SLC44A5: variants seen among roughly 807,000 people sequenced by gnomAD.
SLC44A5 encodes choline transporter-like protein 5.
SLC44A5 carries 57 observed loss-of-function variants against 101.8 expected under a neutral mutation model. The observed-to-expected ratio is 0.56, with a 90% CI of 0.45 to 0.70. The LOEUF is 0.70. Among genes scored for constraint, SLC44A5 ranks in the 30% least tolerant of loss-of-function variants. The probability of loss-of-function intolerance (pLI) is 0.00; values close to 1 mark genes in which losing one functional copy is unlikely to be tolerated. For missense variants in SLC44A5, 737 were observed against 853.1 expected, an observed-to-expected ratio of 0.86 and a Z score of 1.70; for synonymous variants, 281 against 290.9, an observed-to-expected ratio of 0.97 and a Z score of 0.35.
At chr1:75,720,581 A>G in the SLC44A5 span, among the ~76,000 whole-genome samples, 4 of 151,660 alleles carry the variant, frequency 2.6e-5, no homozygotes, top group African/African-American at 9.8e-5. Context: ...TAACTTTACC[A>G]TAGAAAGAAC....
the SLC44A5 span, among the ~76,000 whole-genome samples, chr1:75,716,561 G>A: frequency 2.6e-5 from 4 of 152,268 alleles, no homozygotes; most frequent in East Asian, 3.9e-4. Flanking sequence ...GCAATGTGGC[G>A]ATTTCTCAAA....
chr1:75,307,978 A>T (rs1328200629), intron 4 of SLC44A5, among the ~76,000 whole-genome samples: 1 of 152,226 alleles, frequency 6.6e-6, no homozygotes, highest in Admixed American at 6.5e-5. Flanking sequence ...TATTAATACA[A>T]GTTTTTTAAG....
intron 3 of SLC44A5, among the ~76,000 whole-genome samples, chr1:75,349,047 A>G (rs1439958346): frequency 6.6e-6 from 1 of 152,202 alleles, no homozygotes; most frequent in Non-Finnish European, 1.5e-5. Flanking sequence ...AGAGATGAAA[A>G]ATATTAAAAA....
the SLC44A5 span, among the ~76,000 whole-genome samples, chr1:75,694,641 A>T: frequency 2.6e-5 from 4 of 152,174 alleles, no homozygotes; most frequent in Non-Finnish European, 5.9e-5. Flanking sequence ...AAAATAAATT[A>T]GATGTTACAT....
the SLC44A5 span, among the ~76,000 whole-genome samples, chr1:75,699,191 C>A: frequency 2.1e-4 from 32 of 151,934 alleles, no homozygotes; most frequent in African/African-American, 4.8e-4. Context: ...AACTCCACGA[C>A]ACATAATTGT....
At chr1:75,587,868 G>A (rs1319639078) in intron 1 of SLC44A5, among the ~76,000 whole-genome samples, 1 of 152,104 alleles carries the variant, frequency 6.6e-6, no homozygotes, top group African/African-American at 2.4e-5. Context: ...CAACCTCTTG[G>A]AGGTTTTACT....
rs181911505 is a variant in SLC44A5 at position 75,247,329 on chromosome 1, A to C, written c.345+3881T>G. 2.2e-3 allele frequency among the ~76,000 whole-genome samples: 333 copies of C among 152,228 alleles called. 1 individual carries two copies. Among genetic ancestry groups the C allele is most frequent in the African/African-American group, 7.5e-3 (312 of 41,556 alleles). On this transcript the variant is annotated intron_variant, in intron 7 of 23. Coordinates refer to ENST00000370859, the MANE Select transcript of SLC44A5 (RefSeq NM_001130058.2). The stretch of plus-strand genomic sequence containing the variant: ...TGGCATTAATTGAGACAGGGAATAC[A>C]TTGGGGTGGGGAACAATTTTAGGGA...
intron 1 of SLC44A5, among the ~76,000 whole-genome samples, chr1:75,584,316 A>C (rs1307565778): frequency 6.6e-6 from 1 of 152,212 alleles, no homozygotes; most frequent in Non-Finnish European, 1.5e-5. Context: ...GGTGTGAATA[A>C]ATTAATCTGT....
At chr1:75,315,901 A>C (rs1655651079) in intron 4 of SLC44A5, among the ~76,000 whole-genome samples, 2 of 152,070 alleles carry the variant, frequency 1.3e-5, no homozygotes, top group Admixed American at 1.3e-4. Context: ...GTTGTCTGAC[A>C]AGCCCTGCTG....
chr1:75,696,302 A>T, the SLC44A5 span, among the ~76,000 whole-genome samples: 1 of 152,212 alleles, frequency 6.6e-6, no homozygotes, highest in South Asian at 2.1e-4. Context: ...AGCAATTTAC[A>T]AGTCACACGA....
intron 2 of SLC44A5, among the ~76,000 whole-genome samples, chr1:75,451,123 G>A (rs1320727426): frequency 6.6e-6 from 1 of 152,144 alleles, no homozygotes; most frequent in African/African-American, 2.4e-5. Context: ...TCTCCCTTGG[G>A]ACTGGTGCTT....
chr1:75,410,315 TC>T lies in SLC44A5; in HGVS notation c.14-13695del, dbSNP rs1412948537. On this transcript the variant is annotated intron_variant, in intron 2 of 23. Transcript: ENST00000370859. ...CATAATTATGCCATTTCTGAATTAT[TC>T]ATGCAATTAATTACCTGCCATGCCT... is the stretch of plus-strand genomic sequence containing the variant. 2.6e-5 allele frequency among the ~76,000 whole-genome samples: 4 copies of T among 152,134 alleles called. No individual in the cohort carries two copies. The South Asian group carries it at 8.3e-4, about 31-fold the overall frequency.
At chr1:75,530,057 T>C in intron 2 of SLC44A5, among the ~76,000 whole-genome samples, 1 of 152,284 alleles carries the variant, frequency 6.6e-6, no homozygotes, top group African/African-American at 2.4e-5. Flanking sequence ...AGAAATAACA[T>C]CTTTTTTTTG....
At chr1:75,451,248 C>T (rs543830690) in intron 2 of SLC44A5, among the ~76,000 whole-genome samples, 10 of 152,242 alleles carry the variant, frequency 6.6e-5, no homozygotes, top group African/African-American at 2.4e-4. Flanking sequence ...CATGAATTGG[C>T]CCATTATCTG....
intron 2 of SLC44A5, among the ~76,000 whole-genome samples, chr1:75,526,541 T>C (rs2101907018): frequency 6.6e-6 from 1 of 152,296 alleles, no homozygotes; most frequent in Non-Finnish European, 1.5e-5. Context: ...GACTGTGATA[T>C]GAACAAGAAA....
intron 3 of SLC44A5, among the ~76,000 whole-genome samples, chr1:75,347,142 C>CTTAAGAATAATAAATAAA (rs1201118033): frequency 3.3e-5 from 5 of 152,212 alleles, no homozygotes; most frequent in African/African-American, 1.2e-4. Context: ...AGAATAAATA[C>CTTAAGAATAATAAATAAA]CACTAAAGAA....
the SLC44A5 span, among the ~76,000 whole-genome samples, chr1:75,706,330 C>CA: frequency 6.6e-6 from 1 of 151,892 alleles, no homozygotes; most frequent in African/African-American, 2.4e-5. Context: ...AATATTAGTT[C>CA]AAAAAAATTT....
intron 23 of SLC44A5, chr1:75,204,750 A>T (rs1378867305): frequency 6.6e-6 from 1 of 152,202 alleles, no homozygotes; most frequent in African/African-American, 2.4e-5. Flanking sequence ...GGACTCCCAA[A>T]GTGCTGGGAT....
intron 3 of SLC44A5, among the ~76,000 whole-genome samples, chr1:75,378,260 C>A (rs1425630657): frequency 1.4e-5 from 1 of 71,686 alleles, no homozygotes; most frequent in African/African-American, 9.9e-5. Flanking sequence ...TATTAAAATT[C>A]TTTTAAAAAG....
Sources: gnomAD v4.1 joint callset for allele counts (sites outside exome capture counted in the v4.1 genomes callset) on GRCh38, gnomAD v4.1.1 for gene constraint, MANE v1.5 for transcripts, NCBI Gene and HGNC (gene_info 2026-07-23, HGNC 2026-07-21) for gene names.